Variants in RBFOX3 observed in about 807,000 individuals in gnomAD.
RBFOX3 encodes RNA binding fox-1 homolog 3.
RBFOX3 carries 17 observed loss-of-function variants against 48.7 expected under a neutral mutation model. The ratio of observed to expected loss-of-function variants is 0.35; its 90% CI spans 0.24 to 0.52. RBFOX3 has a LOEUF of 0.52. Among genes scored for constraint, RBFOX3 ranks in the 20% least tolerant of loss-of-function variants. RBFOX3 has a pLI of 0.94. For missense variants in RBFOX3, 382 were observed against 497.5 expected, an observed-to-expected ratio of 0.77 and a Z score of 2.21; for synonymous variants, 212 against 209.5, an observed-to-expected ratio of 1.01 and a Z score of -0.10.
chr17:79,393,913 C>T (rs1048197757), intron 2 of RBFOX3, among the ~76,000 whole-genome samples: 1 of 151,030 alleles, frequency 6.6e-6, no homozygotes. Flanking sequence ...AGATGGCCAT[C>T]AATGCACATC....
At chr17:79,464,319 C>T (rs2076030771) in intron 2 of RBFOX3, among the ~76,000 whole-genome samples, 1 of 152,272 alleles carries the variant, frequency 6.6e-6, no homozygotes, top group Non-Finnish European at 1.5e-5. Context: ...ATGTTAGCGA[C>T]AGCCCGGAGA....
chr17:79,526,481 G>A (rs1331595002), intron 1 of RBFOX3, among the ~76,000 whole-genome samples: 15 of 152,368 alleles, frequency 9.8e-5, no homozygotes, highest in South Asian at 2.1e-4. Flanking sequence ...GACAAACAGC[G>A]AGGTCAGGAC....
intron 3 of RBFOX3, among the ~76,000 whole-genome samples, chr17:79,286,602 G>A (rs1229632784): frequency 2.0e-5 from 3 of 152,166 alleles, no homozygotes; most frequent in Non-Finnish European, 4.4e-5. Context: ...AATACGCTGC[G>A]GCTCCCAGCC....
chr17:79,664,937 T>C, the RBFOX3 span, among the ~76,000 whole-genome samples: 1 of 152,228 alleles, frequency 6.6e-6, no homozygotes, highest in Non-Finnish European at 1.5e-5. Context: ...CGTGTCAGAA[T>C]TTCCTTCCAT....
chr17:79,325,787 T>G (rs1346509898), intron 2 of RBFOX3, among the ~76,000 whole-genome samples: 1 of 152,162 alleles, frequency 6.6e-6, no homozygotes, highest in Non-Finnish European at 1.5e-5. Flanking sequence ...CCCTCCTAAA[T>G]CATTCCTGAC....
chr17:79,255,921 C>T (rs8073672), intron 3 of RBFOX3, among the ~76,000 whole-genome samples: 11,389 of 150,938 alleles, frequency 0.075, 450 homozygotes, highest in South Asian at 0.11. Flanking sequence ...ATCCTGGACC[C>T]GCTGCCTGCC....
intron 4 of RBFOX3, among the ~76,000 whole-genome samples, chr17:79,137,950 T>C (rs936109587): frequency 8.5e-5 from 13 of 152,176 alleles, no homozygotes; most frequent in Non-Finnish European, 8.8e-5. Context: ...ACTCCATTTT[T>C]AAACATCTTC....
At chr17:79,118,447 G>A (rs1025458867) in intron 4 of RBFOX3, among the ~76,000 whole-genome samples, 4 of 152,114 alleles carry the variant, frequency 2.6e-5, no homozygotes, top group African/African-American at 9.7e-5. Context: ...GAGGGAGGAG[G>A]AGGGGGAAGG....
At chr17:79,436,295 G>C (rs1250365816) in intron 2 of RBFOX3, among the ~76,000 whole-genome samples, 3 of 152,254 alleles carry the variant, frequency 2.0e-5, no homozygotes, top group African/African-American at 7.2e-5. Flanking sequence ...AACAGACCAG[G>C]GCAGGGGAAG....
intron 5 of RBFOX3, among the ~76,000 whole-genome samples, chr17:79,108,299 A>T (rs933983695): frequency 1.3e-5 from 2 of 152,240 alleles, no homozygotes; most frequent in African/African-American, 4.8e-5. Flanking sequence ...TACAAATGGA[A>T]GGCTGGTAGC....
chr17:79,301,466 T>C (rs572814725), intron 3 of RBFOX3, among the ~76,000 whole-genome samples: 12 of 152,342 alleles, frequency 7.9e-5, no homozygotes, highest in Admixed American at 1.3e-4. Flanking sequence ...CTCCAAACAT[T>C]CTGGCGCTCA....
intron 6 of RBFOX3, among the ~76,000 whole-genome samples, chr17:79,105,839 G>A (rs564147397): frequency 2.6e-5 from 4 of 152,242 alleles, no homozygotes; most frequent in Admixed American, 1.3e-4. Flanking sequence ...GCCGGGCTGC[G>A]TGGTCCTCTG....
chr17:79,567,004 G>A (rs980615388), intron 1 of RBFOX3, among the ~76,000 whole-genome samples: 39 of 152,054 alleles, frequency 2.6e-4, no homozygotes, highest in Non-Finnish European at 4.4e-4. Flanking sequence ...CCCTGCAACC[G>A]AGGACTCACT....
intron 4 of RBFOX3, among the ~76,000 whole-genome samples, chr17:79,227,993 C>T (rs767574868): frequency 3.3e-5 from 5 of 152,164 alleles, no homozygotes; most frequent in Admixed American, 6.5e-5. Context: ...AGGGGCCCTG[C>T]GGTCAGCGTC....
At chr17:79,176,667 G>A (rs1375248284) in intron 4 of RBFOX3, among the ~76,000 whole-genome samples, 3 of 152,186 alleles carry the variant, frequency 2.0e-5, no homozygotes, top group African/African-American at 7.2e-5. Flanking sequence ...GGGTTTCCCA[G>A]GGGCCTAGTT....
At chr17:79,211,311 C>G (rs1376614167) in intron 4 of RBFOX3, among the ~76,000 whole-genome samples, 1 of 152,220 alleles carries the variant, frequency 6.6e-6, no homozygotes, top group Non-Finnish European at 1.5e-5. Context: ...GCCTCTGACC[C>G]TGCCAACGCC....
At chr17:79,141,836 A>G (rs2707038) in intron 4 of RBFOX3, among the ~76,000 whole-genome samples, 93,140 of 152,046 alleles carry the variant, frequency 0.61, 28,880 homozygotes, top group Admixed American at 0.68. Flanking sequence ...AGTGATGCCG[A>G]AAGTGAGCGT....
At chr17:79,173,219 A>AATACATACATACATACATACATAC (rs60584351) in intron 4 of RBFOX3, among the ~76,000 whole-genome samples, 52 of 150,710 alleles carry the variant, frequency 3.5e-4, no homozygotes, top group South Asian at 1.1e-3. Context: ...TAAATAAATA[A>AATACATACATACATACATACATAC]ATACATACAT....
At chr17:79,209,127 C>T (rs1175197462) in intron 4 of RBFOX3, among the ~76,000 whole-genome samples, 6 of 152,228 alleles carry the variant, frequency 3.9e-5, no homozygotes, top group African/African-American at 1.2e-4. Context: ...CCCCTGGCTG[C>T]TCTTTCTGTA....
Sources: allele counts gnomAD v4.1 joint callset (sites outside exome capture counted in the v4.1 genomes callset), GRCh38; gene constraint gnomAD v4.1.1; transcripts MANE v1.5; gene names NCBI Gene and HGNC (gene_info 2026-07-23, HGNC 2026-07-21).